Variants in NCAM2 observed in about 807,000 individuals in gnomAD.
NCAM2 encodes N-CAM-2.
A neutral mutation model predicts 98.1 loss-of-function variants in NCAM2; 30 were observed. The observed-to-expected ratio is 0.31, with a 90% CI of 0.23 to 0.41. NCAM2 has a LOEUF of 0.41. Among genes scored for constraint, NCAM2 ranks in the 10% least tolerant of loss-of-function variants. The pLI is 1.00. For synonymous variants in NCAM2, 368 were observed against 342.4 expected (o/e 1.07, Z -0.83); for missense variants, 867 against 1,005.8 (o/e 0.86, Z 1.87).
At chr21:21,220,868 A>G (rs1434684069) in intron 1 of NCAM2, among the ~76,000 whole-genome samples, 3 of 152,218 alleles carry the variant, frequency 2.0e-5, no homozygotes, top group Non-Finnish European at 4.4e-5. Flanking sequence ...CACTAAAGGC[A>G]TAACTTGTTT....
intron 1 of NCAM2, among the ~76,000 whole-genome samples, chr21:21,043,006 T>C (rs2064937009): frequency 6.6e-6 from 1 of 152,238 alleles, no homozygotes; most frequent in Admixed American, 6.5e-5. Context: ...CAAGCATTTA[T>C]GTTTTCTAAA....
At chr21:21,144,424 A>C (rs77967508) in intron 1 of NCAM2, among the ~76,000 whole-genome samples, 2,862 of 152,230 alleles carry the variant, frequency 0.019, 101 homozygotes, top group African/African-American at 0.066. Flanking sequence ...TTAAAAGATA[A>C]TATCCTTGCC....
At chr21:21,252,055 C>T (rs2071494910) in intron 1 of NCAM2, among the ~76,000 whole-genome samples, 1 of 151,842 alleles carries the variant, frequency 6.6e-6, no homozygotes, top group African/African-American at 2.4e-5. Context: ...TGAACAGACC[C>T]TTTTCAAAAG....
At chr21:21,489,186 G>T (rs554261024) in intron 15 of NCAM2, among the ~76,000 whole-genome samples, 174 of 152,024 alleles carry the variant, frequency 1.1e-3, no homozygotes, top group African/African-American at 3.9e-3. Context: ...GTAGAGGCAG[G>T]GTTTCACCAT....
At chr21:21,239,206 T>A (rs2070966278) in intron 1 of NCAM2, 1 of 152,128 alleles carries the variant, frequency 6.6e-6, no homozygotes, top group South Asian at 2.1e-4. Context: ...GGCCAGAAAT[T>A]TTTCCCTGAG....
chr21:21,134,444 G>T (rs1403852075), intron 1 of NCAM2, among the ~76,000 whole-genome samples: 1 of 151,892 alleles, frequency 6.6e-6, no homozygotes, highest in Non-Finnish European at 1.5e-5. Flanking sequence ...GCCTTCATGG[G>T]TTCTGGGTGG....
Position 21,042,253 on chromosome 21 carries a change from C to T in NCAM2, c.55+43635C>T, listed in dbSNP as rs191242017. Among the ~76,000 whole-genome samples, 389 of 152,204 alleles carry T rather than the reference C, an allele frequency of 2.6e-3. 1 individual carries two copies. Among genetic ancestry groups the T allele is most frequent in the African/African-American group, 8.2e-3 (339 of 41,514 alleles). On this transcript the variant is annotated intron_variant, in intron 1 of 17. Transcript: ENST00000400546. ...AAGCTGGAGTGCAATGGCACTGTCTCGGCTCACCACAACCTCTGCCTCCCA... is the reference window on the plus strand; with the variant it reads ...AAGCTGGAGTGCAATGGCACTGTCTTGGCTCACCACAACCTCTGCCTCCCA...
chr21:21,272,934 T>TCACACACACATA (rs1555850126), intron 1 of NCAM2, among the ~76,000 whole-genome samples: 1 of 124,788 alleles, frequency 8.0e-6, no homozygotes, highest in African/African-American at 3.1e-5. Flanking sequence ...GGACATGCAT[T>TCACACACACATA]CACACACACA....
rs554783349 is a variant in NCAM2, at chr21:21,163,755, A to G, written c.56-116823A>G. Among the ~76,000 whole-genome samples the G allele has an allele frequency of 1.1e-4, 17 of 152,296 alleles. No individual in the cohort carries two copies. The South Asian group carries it at 3.5e-3, about 32-fold the overall frequency. On this transcript the variant is annotated intron_variant, in intron 1 of 17. Coordinates refer to ENST00000400546, the MANE Select transcript of NCAM2 (RefSeq NM_004540.5). ...ATCATTACTAAAATGTTAAAAGAGA[A>G]ATCACCATCATCACTGCTATTTTTC...
intron 15 of NCAM2, among the ~76,000 whole-genome samples, chr21:21,501,772 T>A (rs558520371): frequency 6.6e-6 from 1 of 152,074 alleles, no homozygotes; most frequent in South Asian, 2.1e-4. Context: ...AAAACAAGAC[T>A]AATTGACTGT....
intron 9 of NCAM2, among the ~76,000 whole-genome samples, chr21:21,379,582 T>C (rs763816858): frequency 1.3e-5 from 2 of 152,132 alleles, no homozygotes; most frequent in Non-Finnish European, 2.9e-5. Context: ...TTGCTGTTAT[T>C]GATTTCTAAT....
intron 10 of NCAM2, among the ~76,000 whole-genome samples, chr21:21,415,380 C>A (rs2076972203): frequency 7.1e-6 from 1 of 141,332 alleles, no homozygotes; most frequent in Admixed American, 7.3e-5. Flanking sequence ...GCTCTGTCGC[C>A]CAGGCTGTGT....
At chr21:21,260,971 G>T (rs1416536684) in intron 1 of NCAM2, among the ~76,000 whole-genome samples, 1 of 152,046 alleles carries the variant, frequency 6.6e-6, no homozygotes, top group Non-Finnish European at 1.5e-5. Flanking sequence ...CCTGTCTCAT[G>T]TGTATTGATG....
At position 21,458,040 on chromosome 21, in the gene NCAM2, G is replaced by T. The variant is rs183213563; in HGVS notation, c.1655-8566G>T. ...CATGAAGCAGATACAAAGATAATTA[G>T]AGCTGCCACTCCCATCACAGGATCA... On this transcript the variant is annotated intron_variant, in intron 12 of 17. Transcript: ENST00000400546. Among the ~76,000 whole-genome samples, 830 of 152,274 alleles carry T rather than the reference G, an allele frequency of 5.5e-3. 4 individuals carry two copies. The highest frequency in any genetic ancestry group is 7.6e-3 in the Non-Finnish European group (520 of 68,020).
At chr21:21,444,201 T>C (rs1207958223) in intron 12 of NCAM2, among the ~76,000 whole-genome samples, 1 of 152,200 alleles carries the variant, frequency 6.6e-6, no homozygotes, top group Non-Finnish European at 1.5e-5. Flanking sequence ...TCATGGTGGG[T>C]AAGTTTCTTG....
intron 14 of NCAM2, among the ~76,000 whole-genome samples, chr21:21,471,162 T>C (rs1984392498): frequency 6.6e-6 from 1 of 152,034 alleles, no homozygotes; most frequent in East Asian, 1.9e-4. Context: ...TGCCCAGCTC[T>C]TGTGCCTTCG....
intron 1 of NCAM2, among the ~76,000 whole-genome samples, chr21:21,004,341 A>G (rs935141131): frequency 6.6e-6 from 1 of 152,176 alleles, no homozygotes; most frequent in African/African-American, 2.4e-5. Flanking sequence ...ATGATTACCA[A>G]TGAGTCAAGA....
intron 6 of NCAM2, among the ~76,000 whole-genome samples, chr21:21,330,871 TAA>T (rs369825425): frequency 1.1e-3 from 164 of 152,280 alleles, no homozygotes; most frequent in African/African-American, 3.5e-3. Flanking sequence ...TCAAGTGAAC[TAA>T]GTTACGTCAC....
intron 1 of NCAM2, among the ~76,000 whole-genome samples, chr21:21,006,269 G>C (rs1486294570): frequency 6.6e-6 from 1 of 152,106 alleles, no homozygotes; most frequent in Non-Finnish European, 1.5e-5. Flanking sequence ...GACTTTGGGA[G>C]GCCAAGGCCG....
Sources: allele counts gnomAD v4.1 joint callset (sites outside exome capture counted in the v4.1 genomes callset), GRCh38; gene constraint gnomAD v4.1.1; transcripts MANE v1.5; gene names NCBI Gene and HGNC (gene_info 2026-07-23, HGNC 2026-07-21).